Variants in TSNARE1 observed in about 807,000 individuals in gnomAD.
TSNARE1 encodes the protein t-SNARE domain-containing protein 1.
TSNARE1 carries 49 observed loss-of-function variants against 62.0 expected under a neutral mutation model. The observed-to-expected ratio is 0.79, with a 90% confidence interval of 0.63 to 1.00. The LOEUF is 1.00. Ranked by LOEUF, TSNARE1 falls within the 50% of genes least tolerant of loss-of-function variation. TSNARE1 has a pLI of 0.00. For synonymous variants in TSNARE1, 328 were observed against 294.4 expected, an observed-to-expected ratio of 1.11 and a Z score of -1.17; for missense variants, 755 against 700.1, an observed-to-expected ratio of 1.08 and a Z score of -0.88.
intron 2 of TSNARE1, among the ~76,000 whole-genome samples, chr8:142,352,607 C>G (rs998385340): frequency 6.6e-6 from 1 of 152,252 alleles, no homozygotes. Context: ...AGCGCGGAAT[C>G]GAAGGAGCCA....
intron 4 of TSNARE1, among the ~76,000 whole-genome samples, chr8:142,333,949 T>C (rs1186936199): frequency 3.4e-5 from 5 of 148,906 alleles, no homozygotes; most frequent in Non-Finnish European, 4.5e-5. Flanking sequence ...AGGGCCTCAG[T>C]TGCATTAGTA....
In TSNARE1 at chr8:142,291,961, G is replaced by A. The variant is rs770133367; in HGVS notation, c.1291-7476C>T. Among the ~76,000 whole-genome samples the A allele has an allele frequency of 7.9e-4, 119 of 151,008 alleles. No homozygotes were observed. Among genetic ancestry groups the A allele is most frequent in the Non-Finnish European group, 1.2e-3 (84 of 67,742 alleles). On this transcript the variant is annotated intron_variant, in intron 10 of 13. Coordinates refer to ENST00000524325, the MANE Select transcript of TSNARE1 (RefSeq NM_145003.5). This position sits in a 1 kb window ranked among gnomAD's most constrained non-coding sequence, Gnocchi z 4.8. ...CCCGTGGACGGTCACAGCAACGCAC[G>A]CCCCCCCCGGCCCCCCACCTGTTTC... is the stretch of plus-strand genomic sequence containing the variant.
chr8:142,214,603 T>TA (rs1815741623), intron 13 of TSNARE1, among the ~76,000 whole-genome samples: 1 of 152,182 alleles, frequency 6.6e-6, no homozygotes. Flanking sequence ...GAGGCCTGTT[T>TA]AAAATCACAA....
In TSNARE1 at chr8:142,346,445, T is replaced by G. The variant is rs200596569; in HGVS notation, c.89-553A>C. 2.0e-5 allele frequency among the ~76,000 whole-genome samples: 3 copies of G among 152,286 alleles called. No homozygotes were observed. The East Asian group carries it at 5.8e-4, about 29-fold the overall frequency. On this transcript the variant is annotated intron_variant, in intron 2 of 13. Coordinates refer to ENST00000524325, the MANE Select transcript of TSNARE1 (RefSeq NM_145003.5). ...GCACGGAACGCATCGTAATTTTCTC[T>G]AATTATTTCCATTTGTTCACAAAAC...
chr8:142,228,301 C>T (rs1258403039), intron 13 of TSNARE1, among the ~76,000 whole-genome samples: 6 of 152,210 alleles, frequency 3.9e-5, no homozygotes, highest in Admixed American at 2.0e-4. Context: ...AATGGATATA[C>T]CTGCTTAACA....
intron 1 of TSNARE1, among the ~76,000 whole-genome samples, chr8:142,368,806 G>A (rs530562899): frequency 3.3e-5 from 5 of 152,294 alleles, no homozygotes; most frequent in Non-Finnish European, 5.9e-5. Context: ...GATAAGGGCC[G>A]CAATGGCTGA....
At chr8:142,399,048 G>A (rs1838103411) in intron 1 of TSNARE1, among the ~76,000 whole-genome samples, 1 of 152,188 alleles carries the variant, frequency 6.6e-6, no homozygotes, top group East Asian at 1.9e-4. Flanking sequence ...AGGACACCCC[G>A]AAGCAAGGCC....
At chr8:142,273,198 C>A in intron 12 of TSNARE1, 10 of 985,138 alleles carry the variant, frequency 1.0e-5, no homozygotes, top group Non-Finnish European at 1.2e-5. Context: ...TCCTTCACCT[C>A]CTCCTCTTCC....
chr8:142,223,440 TAATTCAC>T (rs1586771677), intron 13 of TSNARE1, among the ~76,000 whole-genome samples: 2 of 20,586 alleles, frequency 9.7e-5, no homozygotes, highest in East Asian at 3.7e-3. Context: ...ACTCACTCAC[TAATTCAC>T]TCATTCGCTC....
At chr8:142,326,353 C>T in intron 6 of TSNARE1, 1 of 112,650 alleles carries the variant, frequency 8.9e-6, no homozygotes, top group African/African-American at 4.0e-5. Flanking sequence ...GAACCAGCAT[C>T]AGCGAAGGGG....
intron 1 of TSNARE1, among the ~76,000 whole-genome samples, chr8:142,380,412 G>C (rs1836653578): frequency 6.6e-6 from 1 of 152,174 alleles, no homozygotes; most frequent in South Asian, 2.1e-4. Flanking sequence ...GCCCAGGACA[G>C]GCTCATGGCA....
rs1262364059 is a variant in TSNARE1, at chr8:142,217,537, G to T, written c.*12-5224C>A. 3.3e-5 allele frequency among the ~76,000 whole-genome samples: 5 copies of T among 152,296 alleles called. No homozygotes were observed. The East Asian group carries it at 5.8e-4, about 18-fold the overall frequency. On this transcript the variant is annotated intron_variant, in intron 13 of 13. Transcript: ENST00000524325. ...GGGGCAGGTGGTCATGGGCAGGGGT[G>T]AGCCCTTGAACTGGGTTTATCACCT...
chr8:142,344,455 C>G lies in TSNARE1; in HGVS notation c.256G>C (p.Glu86Gln). ...GTGGGCTCCGGCATCCGGCTGCCTT[C>G]AGGGGCAACCCCAGGCCCTGGAAAG... is the stretch of plus-strand genomic sequence containing the variant. ...ARKRGPGVAP[E>Q]GSRMPEPTSS... is the part of the protein sequence containing the mutation. Residue 86 changes from glutamate to glutamine, a missense_variant, in exon 4 of 14, where the codon GAA becomes CAA. Transcript: ENST00000524325. The G allele has an allele frequency of 6.4e-7, 1 of 1,569,642 alleles. No individual in the cohort carries two copies. The highest frequency in any genetic ancestry group is 2.3e-5 in the East Asian group (1 of 43,272).
chr8:142,219,799 C>T (rs1816121408), intron 13 of TSNARE1, among the ~76,000 whole-genome samples: 1 of 152,226 alleles, frequency 6.6e-6, no homozygotes, highest in Non-Finnish European at 1.5e-5. Context: ...AGCCGTCCTT[C>T]TGGCTCCCGG....
At chr8:142,360,636 C>T (rs1417942290) in intron 1 of TSNARE1, among the ~76,000 whole-genome samples, 1 of 152,168 alleles carries the variant, frequency 6.6e-6, no homozygotes. Flanking sequence ...CGCCCCCCAC[C>T]AGCCTGAAGG....
intron 1 of TSNARE1, among the ~76,000 whole-genome samples, chr8:142,371,453 T>C (rs1212890041): frequency 6.6e-6 from 1 of 152,220 alleles, no homozygotes; most frequent in East Asian, 1.9e-4. Flanking sequence ...GATGCACGAC[T>C]GTACAAATTC....
intron 1 of TSNARE1, among the ~76,000 whole-genome samples, chr8:142,389,235 T>C (rs1383127537): frequency 6.6e-6 from 1 of 152,174 alleles, no homozygotes; most frequent in Non-Finnish European, 1.5e-5. Context: ...TCACACCATA[T>C]ACAAGAATCA....
chr8:142,352,572 G>A (rs550109452), intron 2 of TSNARE1, among the ~76,000 whole-genome samples: 1 of 152,390 alleles, frequency 6.6e-6, no homozygotes, highest in African/African-American at 2.4e-5. Flanking sequence ...ACGCCGCGGT[G>A]TGCTCACAGA....
At chr8:142,249,908 C>G (rs555312544) in intron 12 of TSNARE1, among the ~76,000 whole-genome samples, 4 of 152,232 alleles carry the variant, frequency 2.6e-5, no homozygotes, top group Non-Finnish European at 5.9e-5. Flanking sequence ...CAATCACACC[C>G]GCAACCTGGG....
Sources: allele counts gnomAD v4.1 joint callset (sites outside exome capture counted in the v4.1 genomes callset), GRCh38; gene constraint gnomAD v4.1.1; non-coding constraint Gnocchi (gnomAD v3.1); transcripts MANE v1.5; gene names NCBI Gene and HGNC (gene_info 2026-07-23, HGNC 2026-07-21).